The following VPS13A variants were observed in gnomAD, a reference collection of about 807,000 sequenced individuals.
VPS13A encodes vacuolar protein sorting 13 homolog A.
A neutral mutation model predicts 390.9 loss-of-function variants in VPS13A; 264 were observed. That is an observed-to-expected ratio of 0.68 (90% CI 0.61 to 0.75). The LOEUF (loss-of-function observed/expected upper bound fraction) is 0.75, where lower values mean the gene tolerates loss of function less well. Among genes scored for constraint, VPS13A ranks in the 30% least tolerant of loss-of-function variants. The pLI, the probability that VPS13A is intolerant of heterozygous loss-of-function variation, is 0.00. For missense variants in VPS13A, 3,409 were observed against 3,733.9 expected, an observed-to-expected ratio of 0.91 and a Z score of 2.27; for synonymous variants, 1,231 against 1,227.1, an observed-to-expected ratio of 1.00 and a Z score of -0.07.
intron 68 of VPS13A, among the ~76,000 whole-genome samples, chr9:77,401,330 TG>T (rs1554680513): frequency 6.8e-3 from 28 of 4,126 alleles, no homozygotes; most frequent in Admixed American, 0.018. Context: ...CACATGAAGT[TG>T]TGTGTGTGTG....
At chr9:77,194,471 C>G (rs1396514521) in intron 1 of VPS13A, among the ~76,000 whole-genome samples, 1 of 152,062 alleles carries the variant, frequency 6.6e-6, no homozygotes, top group East Asian at 1.9e-4. Flanking sequence ...GTGTGGTGAG[C>G]TTTGGGAGAT....
chr9:77,235,610 T>C (rs529949588), intron 17 of VPS13A, among the ~76,000 whole-genome samples: 1 of 152,304 alleles, frequency 6.6e-6, no homozygotes, highest in East Asian at 1.9e-4. Context: ...TTTTGGCCAT[T>C]ATTTCTCCCA....
At chr9:77,234,759 T>C (rs951887140) in intron 17 of VPS13A, among the ~76,000 whole-genome samples, 11 of 152,304 alleles carry the variant, frequency 7.2e-5, no homozygotes, top group African/African-American at 2.6e-4. Flanking sequence ...ACTGTCTTCT[T>C]AGTGTTTGTT....
In VPS13A at chr9:77,419,528, T is replaced by G. The variant is rs1835281463; in HGVS notation, c.*3522T>G. 1.3e-5 allele frequency: 2 copies of G among 152,192 alleles called. No individual in the cohort carries two copies. The highest frequency in any genetic ancestry group is 4.1e-4 in the South Asian group (2 of 4,834). The allele number at this position is 152,192 out of a possible 1,614,324, so 9.4% of individuals were successfully genotyped here. A position where few individuals can be genotyped will look rare whatever the true frequency, so the allele number is the denominator to read the frequency against. On this transcript the variant is annotated 3_prime_UTR_variant, in exon 72 of 72. Transcript: ENST00000360280. ...AGATAAGGAGCAGCAGATCCACAAC[T>G]CAGGAAGTCTAGAGATGCTTAGCAC...
intron 17 of VPS13A, among the ~76,000 whole-genome samples, chr9:77,231,985 C>T (rs566854802): frequency 2.6e-5 from 4 of 152,282 alleles, no homozygotes; most frequent in Admixed American, 2.0e-4. Flanking sequence ...CCGGTGTCCC[C>T]TCACACTTGT....
At chr9:77,361,347 T>A (rs1431729834) in intron 59 of VPS13A, among the ~76,000 whole-genome samples, 1 of 152,074 alleles carries the variant, frequency 6.6e-6, no homozygotes, top group Non-Finnish European at 1.5e-5. Flanking sequence ...GTGTAGTCTT[T>A]TGTGAAGGGC....
At chr9:77,294,010 C>T (rs1302963457) in intron 32 of VPS13A, among the ~76,000 whole-genome samples, 1 of 152,000 alleles carries the variant, frequency 6.6e-6, no homozygotes, top group Admixed American at 6.6e-5. Flanking sequence ...TTCAAGTGAT[C>T]CTCCCGCCCC....
chr9:77,259,695 C>T (rs1216612631), intron 22 of VPS13A, among the ~76,000 whole-genome samples: 1 of 152,110 alleles, frequency 6.6e-6, no homozygotes. Context: ...CCTTAGTTTT[C>T]TCATAGGAAG....
At chr9:77,411,775 C>CA (rs541640793) in intron 71 of VPS13A, among the ~76,000 whole-genome samples, 221 of 148,144 alleles carry the variant, frequency 1.5e-3, no homozygotes, top group African/African-American at 5.0e-3. Context: ...GAAATAGACA[C>CA]AAAAAACCCT....
chr9:77,377,203 G>GTTTTTTTTTTTT (rs61562443), intron 67 of VPS13A, among the ~76,000 whole-genome samples: 4 of 69,052 alleles, frequency 5.8e-5, no homozygotes, highest in African/African-American at 1.7e-4. Context: ...TTTTGATGCT[G>GTTTTTTTTTTTT]TTTTTTTTTT....
At chr9:77,393,886 G>A (rs62571468) in intron 68 of VPS13A, among the ~76,000 whole-genome samples, 15,576 of 151,758 alleles carry the variant, frequency 0.1, 826 homozygotes, top group Middle Eastern at 0.12. Context: ...CTCCTGTCTC[G>A]GCCTCCTGAG....
In VPS13A at chr9:77,337,438, G is replaced by A. The variant is rs1392828240; in HGVS notation, c.6279G>A (p.Val2093=). 1.9e-6 allele frequency: 3 copies of A among 1,612,826 alleles called. No homozygotes were observed. In the African/African-American group the frequency reaches 4.0e-5, roughly 22 times the overall value. The part of the protein sequence containing the change: ...PEKDNLTSLS[V]YSEDGWDLPY... ...AAGATAATTTAACATCTCTATCAGT[G>A]TATTCAGAAGATGGTTGGGATTTAC... The change falls in exon 47 of 72, where the codon GTG becomes GTA. Residue 2093 remains valine (V), a synonymous_variant. Coordinates refer to ENST00000360280, the MANE Select transcript of VPS13A (RefSeq NM_033305.3).
At chr9:77,230,647 G>T (rs1383719335) in intron 17 of VPS13A, among the ~76,000 whole-genome samples, 2 of 152,038 alleles carry the variant, frequency 1.3e-5, no homozygotes, top group East Asian at 1.9e-4. Context: ...AGTAGAACTT[G>T]TAATCAGGAA....
At chr9:77,179,472 G>T (rs12352006) in intron 1 of VPS13A, among the ~76,000 whole-genome samples, 437 of 152,150 alleles carry the variant, frequency 2.9e-3, no homozygotes, top group African/African-American at 9.7e-3. Context: ...CAAGTAATCC[G>T]CCTGCCTCTG....
rs1174543052 is a variant in VPS13A at position 77,321,549 on chromosome 9, T to C, written c.5633T>C (p.Phe1878Ser). Reference protein sequence around the residue: ...SADFVKDLAPFMILNSLGLTI... With the variant: ...SADFVKDLAPSMILNSLGLTI... ...GACTTCGTAAAGGATCTAGCACCATTTATGATTTTAAATTCCCTTGGACTT... is the reference window on the plus strand; with the variant it reads ...GACTTCGTAAAGGATCTAGCACCATCTATGATTTTAAATTCCCTTGGACTT... The change falls in exon 44 of 72, where the codon TTT becomes TCT. Residue 1878 changes from phenylalanine to serine, a missense_variant. Physicochemically the swap from Phe to Ser is radical, Grantham distance 155. Coordinates refer to ENST00000360280, the MANE Select transcript of VPS13A (RefSeq NM_033305.3). 1.2e-6 allele frequency: 2 copies of C among 1,613,528 alleles called. No homozygotes were observed. The highest frequency in any genetic ancestry group is 1.7e-6 in the Non-Finnish European group (2 of 1,179,638).
At position 77,262,767 on chromosome 9, in the gene VPS13A, C is replaced by A. The variant is rs140177207; in HGVS notation, c.2427+2543C>A. Among the ~76,000 whole-genome samples, 211 of 152,238 alleles carry A rather than the reference C, an allele frequency of 1.4e-3. 3 individuals are homozygous for A. The highest frequency in any genetic ancestry group is 4.8e-3 in the African/African-American group (200 of 41,544). On this transcript the variant is annotated intron_variant, in intron 23 of 71. Transcript: ENST00000360280. ...GTCCTTGCAAAGGACATGAACTCATCCTTTTTTATGGCTGCATAGTAGTCT... is the reference window on the plus strand; with the variant it reads ...GTCCTTGCAAAGGACATGAACTCATACTTTTTTATGGCTGCATAGTAGTCT...
At chr9:77,229,914 A>T (rs958240375) in intron 17 of VPS13A, among the ~76,000 whole-genome samples, 1 of 152,188 alleles carries the variant, frequency 6.6e-6, no homozygotes, top group Non-Finnish European at 1.5e-5. Context: ...ATTTCTTCAT[A>T]TCTTCATCAA....
At chr9:77,250,612 T>C (rs1037071669) in intron 21 of VPS13A, among the ~76,000 whole-genome samples, 1 of 152,212 alleles carries the variant, frequency 6.6e-6, no homozygotes, top group African/African-American at 2.4e-5. Context: ...TTGGCCCATA[T>C]TGAAAATGAT....
At chr9:77,393,843 A>C (rs973484617) in intron 68 of VPS13A, among the ~76,000 whole-genome samples, 1 of 151,968 alleles carries the variant, frequency 6.6e-6, no homozygotes, top group African/African-American at 2.4e-5. Flanking sequence ...GTCTCGGCTC[A>C]CTGCAACCTC....
Sources: gnomAD v4.1 joint callset for allele counts (sites outside exome capture counted in the v4.1 genomes callset) on GRCh38, gnomAD v4.1.1 for gene constraint, MANE v1.5 for transcripts, NCBI Gene and HGNC (gene_info 2026-07-23, HGNC 2026-07-21) for gene names.